Variants in SLIT1 observed in about 807,000 individuals in gnomAD.
SLIT1 encodes slit guidance ligand 1, also known as slit homolog 1 protein.
Under a neutral mutation model 186.1 loss-of-function variants are expected in SLIT1, and 66 were observed. The ratio of observed to expected loss-of-function variants is 0.35; its 90% confidence interval spans 0.29 to 0.44. SLIT1 has a LOEUF of 0.44. Ranked by LOEUF, SLIT1 falls within the 20% of genes least tolerant of loss-of-function variation. SLIT1 has a pLI of 1.00. For synonymous variants in SLIT1, 761 were observed against 833.8 expected (o/e 0.91, Z 1.50); for missense variants, 1,638 against 2,037.4 (o/e 0.80, Z 3.77).
Position 97,021,537 on chromosome 10 carries a change from T to C in SLIT1, c.2583-124A>G, listed in dbSNP as rs1157262946. 17 of 793,502 alleles carry C rather than the reference T, an allele frequency of 2.1e-5. No homozygotes were observed. The highest frequency in any genetic ancestry group is 3.4e-5 in the Non-Finnish European group (17 of 504,874). The allele number at this position is 793,502 out of a possible 1,614,324, so 49.2% of individuals were successfully genotyped here. A position where few individuals can be genotyped will look rare whatever the true frequency, so the allele number is the denominator to read the frequency against. On this transcript the variant is annotated intron_variant, in intron 25 of 36. Transcript: ENST00000266058. The surrounding 1 kb of genome is among the most constrained non-coding windows in gnomAD (Gnocchi z 4.5). Reference sequence around the variant, plus strand: ...AATCTTAGCCTCCATTTCATGAGCATTTACTGTATAGTCAGTGCTGCTTTT... The same window carrying C: ...AATCTTAGCCTCCATTTCATGAGCACTTACTGTATAGTCAGTGCTGCTTTT...
intron 16 of SLIT1, 126 bp downstream of exon 16, chr10:97,047,564 T>A (rs1335448114): frequency 1.0e-6 from 1 of 967,964 alleles, no homozygotes; most frequent in African/African-American, 1.6e-5. Context: ...AGTTGGTATG[T>A]CCTGAGCCAG....
At chr10:97,168,640 C>T (rs1207841536) in intron 1 of SLIT1, among the ~76,000 whole-genome samples, 1 of 152,172 alleles carries the variant, frequency 6.6e-6, no homozygotes, top group Non-Finnish European at 1.5e-5. Flanking sequence ...TTCCCTGTGA[C>T]TGGAATCCCT....
rs1268523689 is a variant in SLIT1, at chr10:97,004,010, C to T, written c.3865+58G>A. ...ACAGTGCAGTCCCTAGGCACCAGCT[C>T]TCCTGGCTGGCCTCAGGCCAGACAG... On this transcript the variant is annotated intron_variant, in intron 34 of 36. Transcript: ENST00000266058. The surrounding 1 kb of genome is among the most constrained non-coding windows in gnomAD (Gnocchi z 5.1). 9 of 1,479,098 alleles carry T rather than the reference C, an allele frequency of 6.1e-6. No individual in the cohort carries two copies. Among genetic ancestry groups the T allele is most frequent in the Non-Finnish European group, 7.4e-6 (8 of 1,078,994 alleles). 91.6% of individuals were successfully genotyped at this position (1,479,098 alleles called of 1,614,324 possible).
chr10:97,075,689 C>T (rs994979961), intron 4 of SLIT1, among the ~76,000 whole-genome samples: 6 of 152,162 alleles, frequency 3.9e-5, no homozygotes, highest in Non-Finnish European at 5.9e-5. Flanking sequence ...GAGTCCCTGG[C>T]ACCTGGTGGA....
In SLIT1 at chr10:97,046,086, C is replaced by T. The variant is rs548099428; in HGVS notation, c.1853+568G>A. ...CCGACAGACTGCCCTGTCTATGGGA[C>T]ACGATACACACCCTCAGGATCATCT... On this transcript the variant is annotated intron_variant, in intron 18 of 36. Coordinates refer to ENST00000266058, the MANE Select transcript of SLIT1 (RefSeq NM_003061.3). Among the ~76,000 whole-genome samples the T allele has an allele frequency of 6.6e-5, 10 of 152,308 alleles. No homozygotes were observed. In the South Asian group the frequency reaches 2.1e-3, roughly 32 times the overall value.
intron 7 of SLIT1, 75 bp downstream of exon 7, chr10:97,064,093 C>G: frequency 8.0e-7 from 1 of 1,249,070 alleles, no homozygotes; most frequent in Non-Finnish European, 1.1e-6. Context: ...GCAAAACCTT[C>G]ACCTCCTGCC....
intron 4 of SLIT1, among the ~76,000 whole-genome samples, chr10:97,143,155 A>C (rs543811182): frequency 6.6e-6 from 1 of 152,352 alleles, no homozygotes; most frequent in African/African-American, 2.4e-5. Context: ...AATTGAAAGC[A>C]GGGTCTCAAA....
chr10:97,020,457 A>C (rs1848492563), intron 26 of SLIT1, among the ~76,000 whole-genome samples: 1 of 152,270 alleles, frequency 6.6e-6, no homozygotes, highest in Admixed American at 6.5e-5. Flanking sequence ...AACACAGAGC[A>C]AAGGTTTCAG....
chr10:97,173,035 G>A (rs1242759118), intron 1 of SLIT1, among the ~76,000 whole-genome samples: 1 of 152,210 alleles, frequency 6.6e-6, no homozygotes, highest in Non-Finnish European at 1.5e-5. Flanking sequence ...TCCACACGCA[G>A]AGGATGCTCC....
In SLIT1 at chr10:97,031,563, G is replaced by A. The variant is rs760929882; in HGVS notation, c.2510+43C>T. ...CACCAGGTGGGTGGCAGGACCCTCA[G>A]TGGGGTGGATTTTCTGGCAGGATGG... On this transcript the variant is annotated intron_variant, in intron 24 of 36. Coordinates refer to ENST00000266058, the MANE Select transcript of SLIT1 (RefSeq NM_003061.3). 82 of 1,496,662 alleles carry A rather than the reference G, an allele frequency of 5.5e-5. 2 individuals are homozygous for A. The South Asian group carries it at 8.6e-4, about 16-fold the overall frequency. The allele number at this position is 1,496,662 out of a possible 1,614,324, so 92.7% of individuals were successfully genotyped here.
chr10:97,060,332 C>T (rs1848880737), intron 9 of SLIT1, among the ~76,000 whole-genome samples, 174 bp from the exon 10 acceptor site: 1 of 152,344 alleles, frequency 6.6e-6, no homozygotes, highest in Admixed American at 6.5e-5. Flanking sequence ...AGAGAAAATG[C>T]TGACTTGCGC....
At chr10:97,130,460 G>A (rs1849642671) in intron 4 of SLIT1, among the ~76,000 whole-genome samples, 1 of 152,198 alleles carries the variant, frequency 6.6e-6, no homozygotes, top group East Asian at 1.9e-4. Flanking sequence ...GCCACAATGT[G>A]GATGAAACTT....
At chr10:97,126,892 G>A (rs1332587786) in intron 4 of SLIT1, among the ~76,000 whole-genome samples, 3 of 152,174 alleles carry the variant, frequency 2.0e-5, no homozygotes, top group Non-Finnish European at 4.4e-5. Context: ...CCCTCGCCTG[G>A]CACTTCCTGC....
chr10:97,145,474 A>T (rs998543408), intron 4 of SLIT1, among the ~76,000 whole-genome samples: 5 of 151,976 alleles, frequency 3.3e-5, no homozygotes, highest in African/African-American at 1.2e-4. Context: ...ATGAGCATCC[A>T]CCTCAACAGG....
chr10:97,049,344 C>T (rs1284858813), intron 13 of SLIT1, among the ~76,000 whole-genome samples: 1 of 152,170 alleles, frequency 6.6e-6, no homozygotes, highest in Non-Finnish European at 1.5e-5. Flanking sequence ...TCTCTGCCAC[C>T]CAGAGCTTCC....
In SLIT1 at chr10:97,008,038, C is replaced by T. The variant is rs1848375111; in HGVS notation, c.3342-1318G>A. Among the ~76,000 whole-genome samples the T allele has an allele frequency of 2.0e-5, 3 of 151,502 alleles. No homozygotes were observed. In the South Asian group the frequency reaches 6.3e-4, roughly 32 times the overall value. On this transcript the variant is annotated intron_variant, in intron 31 of 36. Coordinates refer to ENST00000266058, the MANE Select transcript of SLIT1 (RefSeq NM_003061.3). ...GCAGGAAGGCAAGAAGGAAAGCAGG[C>T]AGGCAGGCAGGAAGGAAGGCAAGCA...
rs1461217713 is a variant in SLIT1, at chr10:97,004,964, C to T, written c.3580-141G>A. 1.0e-6 allele frequency: 1 copy of T among 964,212 alleles called. No homozygotes were observed. The highest frequency in any genetic ancestry group is 1.6e-6 in the Non-Finnish European group (1 of 637,538). The allele number at this position is 964,212 out of a possible 1,614,324, so 59.7% of individuals were successfully genotyped here. ...TCTTCCCCCACCTGGCCAGCCTCCC[C>T]AAGGCCATTCCTCCAGGGGGCACCA... On this transcript the variant is annotated intron_variant, in intron 32 of 36. Transcript: ENST00000266058. The surrounding 1 kb of genome is among the most constrained non-coding windows in gnomAD (Gnocchi z 5.1).
chr10:97,095,276 C>T (rs1411274852), intron 4 of SLIT1, among the ~76,000 whole-genome samples: 2 of 152,182 alleles, frequency 1.3e-5, no homozygotes, highest in Non-Finnish European at 2.9e-5. Context: ...GAGCAAAACT[C>T]CTTCTCAAAA....
At chr10:97,012,532 A>C (rs1589362590) in intron 30 of SLIT1, among the ~76,000 whole-genome samples, 1 of 152,298 alleles carries the variant, frequency 6.6e-6, no homozygotes, top group East Asian at 1.9e-4. Context: ...TTCGTGATTG[A>C]GGGGCTGTGC....
Sources: gnomAD v4.1 joint callset for allele counts (sites outside exome capture counted in the v4.1 genomes callset) on GRCh38, gnomAD v4.1.1 for gene constraint, Gnocchi (gnomAD v3.1) non-coding constraint, MANE v1.5 for transcripts, NCBI Gene and HGNC (gene_info 2026-07-23, HGNC 2026-07-21) for gene names.